The following PTCD3 variants were observed in gnomAD, a reference collection of about 807,000 sequenced individuals.
The protein encoded by PTCD3 is pentatricopeptide repeat domain 3.
In PTCD3, 89 loss-of-function variants were observed where a neutral mutation model predicts 101.9. That is an observed-to-expected ratio of 0.87 (90% CI 0.74 to 1.04). The LOEUF is 1.04. Among genes scored for constraint, PTCD3 ranks in the 50% least tolerant of loss-of-function variants. PTCD3 has a pLI of 0.00. For synonymous variants in PTCD3, 296 were observed against 278.5 expected (o/e 1.06, Z -0.63); for missense variants, 870 against 828.2 (o/e 1.05, Z -0.62).
At chr2:86,134,473 C>T (rs1674546986) in intron 20 of PTCD3, 96 bp downstream of exon 20, 1 of 969,050 alleles carries the variant, frequency 1.0e-6, no homozygotes, top group African/African-American at 1.6e-5. Context: ...GAGAGTTCTG[C>T]TACCCAAACC....
At chr2:86,125,548 C>T (rs1444187215) in intron 11 of PTCD3, 33 bp downstream of exon 11, 2 of 1,560,342 alleles carry the variant, frequency 1.3e-6, no homozygotes, top group Non-Finnish European at 1.8e-6. Context: ...GTCCCTTTCT[C>T]CATTTCCTTC....
chr2:86,133,991 A>T (rs943913112), intron 19 of PTCD3, among the ~76,000 whole-genome samples: 1 of 152,212 alleles, frequency 6.6e-6, no homozygotes, highest in East Asian at 1.9e-4. Context: ...GACTGCTCTA[A>T]TGAGTGATAA....
At chr2:86,106,553 T>C (rs560165666) in intron 1 of PTCD3, among the ~76,000 whole-genome samples, 4 of 152,344 alleles carry the variant, frequency 2.6e-5, no homozygotes, top group Admixed American at 2.6e-4. Context: ...GAAATACTTA[T>C]TGGTTGCTTG....
At chr2:86,125,399 G>A (rs1405284465) in intron 10 of PTCD3, 56 bp from the exon 11 acceptor site, 5 of 1,527,776 alleles carry the variant, frequency 3.3e-6, no homozygotes, top group African/African-American at 2.7e-5. Flanking sequence ...GGACAGAAAT[G>A]TGCAAGGACT....
Position 86,125,444 on chromosome 2 carries a change from T to C in PTCD3, c.805-11T>C. 6.2e-7 allele frequency: 1 copy of C among 1,609,680 alleles called. No homozygotes were observed. ...AATGAATTTGATGATGCTTAATTTT[T>C]CCTTTTCCAGCACCGAGCTTATGAG... On this transcript the variant is annotated splice_polypyrimidine_tract_variant and intron_variant, in intron 10 of 23. Coordinates refer to ENST00000254630, the MANE Select transcript of PTCD3 (RefSeq NM_017952.6).
At chr2:86,127,568 T>G (rs180976805) in intron 13 of PTCD3, 118 of 491,240 alleles carry the variant, frequency 2.4e-4, no homozygotes, top group African/African-American at 2.1e-3. Flanking sequence ...TAGCTAGTTT[T>G]AAATTCATGA....
chr2:86,111,241 C>T, intron 4 of PTCD3, 83 bp downstream of exon 4: 1 of 1,168,190 alleles, frequency 8.6e-7, no homozygotes, highest in Non-Finnish European at 1.3e-6. Context: ...ACATTTAATA[C>T]TCATACCTCG....
intron 4 of PTCD3, among the ~76,000 whole-genome samples, chr2:86,116,294 G>T (rs964385344): frequency 1.3e-5 from 2 of 152,172 alleles, no homozygotes; most frequent in African/African-American, 4.8e-5. Flanking sequence ...CTAGCCCTTT[G>T]TAAGGCAGAA....
At chr2:86,125,108 C>A (rs762731894) in intron 10 of PTCD3, 26 bp downstream of exon 10, 3 of 1,610,782 alleles carry the variant, frequency 1.9e-6, no homozygotes, top group South Asian at 1.1e-5. Context: ...TTATTTTTGT[C>A]TTTCATTTCC....
At position 86,121,109 on chromosome 2, in the gene PTCD3, C is replaced by A. The variant is rs952797120; in HGVS notation, c.539-370C>A. Among the ~76,000 whole-genome samples, 15 of 152,260 alleles carry A rather than the reference C, an allele frequency of 9.9e-5. No homozygotes were observed. The East Asian group carries it at 2.7e-3, about 27-fold the overall frequency. ...GATCCAAATGGAATAATTCTACTTG[C>A]ATTTGTTCAAATGCACCTGGGCTGG... On this transcript the variant is annotated intron_variant, in intron 7 of 23. Transcript: ENST00000254630.
chr2:86,127,976 C>T lies in PTCD3; in HGVS notation c.1132C>T (p.Leu378=). The part of the protein sequence containing the change: ...SLATYHHIIR[L]FDQPGDPLKR... ...TGCAACATATCACCATATTATTCGC[C>T]TGTTTGATCAACCTGGTATGTATGG... The change falls in exon 14 of 24, where the codon CTG becomes TTG. Residue 378 remains leucine, a synonymous_variant. Transcript: ENST00000254630. 6.8e-6 allele frequency: 11 copies of T among 1,609,322 alleles called. No individual in the cohort carries two copies. The highest frequency in any genetic ancestry group is 8.5e-6 in the Non-Finnish European group (10 of 1,175,796).
In PTCD3 at chr2:86,132,435, T is replaced by C; in HGVS notation, c.1373+11T>C. On this transcript the variant is annotated intron_variant, in intron 17 of 23. Transcript: ENST00000254630. Reference sequence around the variant, plus strand: ...TCGTAATTTCTATTAGTAAGTGTGTTGGAAACATATCCTTTTGCATGAGTT... The same window carrying C: ...TCGTAATTTCTATTAGTAAGTGTGTCGGAAACATATCCTTTTGCATGAGTT... The C allele has an allele frequency of 6.5e-7, 1 of 1,540,352 alleles. No individual in the cohort carries two copies. The highest frequency in any genetic ancestry group is 9.0e-7 in the Non-Finnish European group (1 of 1,115,046).
intron 13 of PTCD3, chr2:86,127,564 G>A (rs1048931455): frequency 2.0e-6 from 1 of 490,186 alleles, no homozygotes; most frequent in East Asian, 3.5e-5. Flanking sequence ...GAGTTAGCTA[G>A]TTTTAAATTC....
In PTCD3 at chr2:86,108,414, A is replaced by G; in HGVS notation, c.157+12A>G. The G allele has an allele frequency of 6.3e-7, 1 of 1,598,944 alleles. No individual in the cohort carries two copies. The highest frequency in any genetic ancestry group is 1.8e-5 in the Admixed American group (1 of 56,746). ...AACTGATGTAACAGGTATATTTTAAAATATATTGAATTCTATTTTTATATC... is the reference window on the plus strand; with the variant it reads ...AACTGATGTAACAGGTATATTTTAAGATATATTGAATTCTATTTTTATATC... On this transcript the variant is annotated intron_variant, in intron 2 of 23. Coordinates refer to ENST00000254630, the MANE Select transcript of PTCD3 (RefSeq NM_017952.6).
intron 12 of PTCD3, 30 bp from the exon 13 acceptor site, chr2:86,127,130 GA>G: frequency 6.3e-7 from 1 of 1,584,458 alleles, no homozygotes; most frequent in Middle Eastern, 2.2e-4. Context: ...ACCCAGGCAT[GA>G]AAGATACTTC....
intron 3 of PTCD3, chr2:86,108,957 G>T: frequency 6.2e-6 from 1 of 160,748 alleles, no homozygotes; most frequent in Non-Finnish European, 1.3e-5. Context: ...TTTATTCACT[G>T]GATATATCCT....
In PTCD3 at chr2:86,140,587, A is replaced by G. The variant is rs1674665759; in HGVS notation, c.*3028A>G. On this transcript the variant is annotated 3_prime_UTR_variant, in exon 24 of 24. Transcript: ENST00000254630. Reference sequence around the variant, plus strand: ...AGATACGCTAGGAAATTGAGTCACTAGGAGCATGGATGTATAAGGCAGGTT... The same window carrying G: ...AGATACGCTAGGAAATTGAGTCACTGGGAGCATGGATGTATAAGGCAGGTT... 6.6e-6 allele frequency: 1 copy of G among 152,218 alleles called. No individual in the cohort carries two copies. Among genetic ancestry groups the G allele is most frequent in the Admixed American group, 6.5e-5 (1 of 15,276 alleles). 9.4% of individuals were successfully genotyped at this position (152,218 alleles called of 1,614,324 possible).
rs1260311818 is a variant in PTCD3, at chr2:86,137,043, A to G, written c.1882A>G (p.Ile628Val). Residue 628 changes from isoleucine (I) to valine (V), a missense_variant, in exon 23 of 24, where the codon ATT becomes GTT. Physicochemically the swap from Ile to Val is conservative, Grantham distance 29. Coordinates refer to ENST00000254630, the MANE Select transcript of PTCD3 (RefSeq NM_017952.6). ...AKVSNSPSQA[I>V]EVVELASAFS... is the part of the protein sequence containing the mutation. ...AGTGTCTAACAGCCCTTCCCAGGCC[A>G]TTGAAGTAGTAGAGCTGGCAAGTGC... 3 of 1,613,914 alleles carry G rather than the reference A, an allele frequency of 1.9e-6. No homozygotes were observed. Among genetic ancestry groups the G allele is most frequent in the South Asian group, 2.2e-5 (2 of 91,032 alleles).
In PTCD3 at chr2:86,136,539, C is replaced by T; in HGVS notation, c.1797C>T (p.Phe599=). ...TQEAWKMLGL[F]RKHNKIPRSE... is the part of the protein sequence containing the mutation. ...TGAGCAGGAAAATGTTGGGGCTTTT[C>T]AGGAAGCATAATAAGATTCCTAGGT... Residue 599 remains phenylalanine (F), a synonymous_variant, in exon 22 of 24, where the codon TTC becomes TTT. Transcript: ENST00000254630. 1 of 1,612,652 alleles carries T rather than the reference C, an allele frequency of 6.2e-7. No individual in the cohort carries two copies. The highest frequency in any genetic ancestry group is 8.5e-7 in the Non-Finnish European group (1 of 1,178,694).
Sources: allele counts gnomAD v4.1 joint callset (sites outside exome capture counted in the v4.1 genomes callset), GRCh38; gene constraint gnomAD v4.1.1; transcripts MANE v1.5; gene names NCBI Gene and HGNC (gene_info 2026-07-23, HGNC 2026-07-21).